The following AFG2A variants were observed in gnomAD, a reference collection of about 807,000 sequenced individuals.
AFG2A encodes the protein AAA ATPase AFG2A.
the AFG2A span, among the ~76,000 whole-genome samples, chr4:123,265,170 G>A: frequency 2.0e-5 from 3 of 152,006 alleles, no homozygotes; most frequent in African/African-American, 7.2e-5. Context: ...AGAGTTGAAG[G>A]CCTAGTGATT....
chr4:123,313,054 C>G, the AFG2A span, among the ~76,000 whole-genome samples: 1 of 152,244 alleles, frequency 6.6e-6, no homozygotes, highest in South Asian at 2.1e-4. Flanking sequence ...TTTCATCCCA[C>G]AAGCTCTTTT....
At chr4:122,950,612 T>A in the AFG2A span, among the ~76,000 whole-genome samples, 1 of 152,240 alleles carries the variant, frequency 6.6e-6, no homozygotes, top group Non-Finnish European at 1.5e-5. Context: ...AGTGGTGGGA[T>A]TACAGGCGTG....
chr4:123,070,342 G>A, the AFG2A span, among the ~76,000 whole-genome samples: 1 of 152,000 alleles, frequency 6.6e-6, no homozygotes. Flanking sequence ...TACTGTGCTA[G>A]ATCCTTTATA....
At chr4:123,310,479 G>A in the AFG2A span, among the ~76,000 whole-genome samples, 4 of 151,966 alleles carry the variant, frequency 2.6e-5, no homozygotes, top group Non-Finnish European at 5.9e-5. Flanking sequence ...TCTCAGTTCT[G>A]TTCTTCACAC....
chr4:123,011,521 C>T, the AFG2A span, among the ~76,000 whole-genome samples: 2 of 152,134 alleles, frequency 1.3e-5, no homozygotes, highest in Admixed American at 6.5e-5. Context: ...GAGGGACCGA[C>T]GTGTTAAAGA....
the AFG2A span, among the ~76,000 whole-genome samples, chr4:123,152,165 G>GA: frequency 6.6e-6 from 1 of 152,100 alleles, no homozygotes; most frequent in Non-Finnish European, 1.5e-5. Context: ...AACATTAGGA[G>GA]AAATACCTCA....
chr4:123,252,301 T>C, the AFG2A span, among the ~76,000 whole-genome samples: 1 of 152,132 alleles, frequency 6.6e-6, no homozygotes, highest in Non-Finnish European at 1.5e-5. Context: ...TGTTTGGAAC[T>C]CTAAGTATGA....
chr4:123,298,887 T>G, the AFG2A span, among the ~76,000 whole-genome samples: 1 of 152,228 alleles, frequency 6.6e-6, no homozygotes, highest in East Asian at 1.9e-4. Context: ...AGCAAGATGT[T>G]TTAAAATATT....
the AFG2A span, among the ~76,000 whole-genome samples, chr4:123,240,278 A>G: frequency 6.6e-6 from 1 of 152,232 alleles, no homozygotes; most frequent in Admixed American, 6.5e-5. Flanking sequence ...CACCAAGCAG[A>G]CTTAATAGAT....
At chr4:122,954,372 A>ATTGTGGTATTGTGGTGTAG in the AFG2A span, among the ~76,000 whole-genome samples, 2 of 152,168 alleles carry the variant, frequency 1.3e-5, no homozygotes, top group Non-Finnish European at 2.9e-5. Context: ...GCATTGTGGT[A>ATTGTGGTATTGTGGTGTAG]TGCTACCATC....
the AFG2A span, among the ~76,000 whole-genome samples, chr4:123,085,637 AT>A: frequency 0.91 from 137,956 of 151,900 alleles, 62,867 homozygotes; most frequent in East Asian, 0.98. Context: ...GTTAGGTCTT[AT>A]TTTTTTTATT....
chr4:123,102,594 A>G, the AFG2A span, among the ~76,000 whole-genome samples: 1 of 152,042 alleles, frequency 6.6e-6, no homozygotes, highest in Non-Finnish European at 1.5e-5. Context: ...AATCACTTAT[A>G]AATTTGAAAA....
At chr4:122,971,477 A>T in the AFG2A span, among the ~76,000 whole-genome samples, 1 of 152,208 alleles carries the variant, frequency 6.6e-6, no homozygotes, top group Admixed American at 6.5e-5. Context: ...TCTATCAATT[A>T]TGTTATAGTT....
chr4:123,119,400 G>A, the AFG2A span, among the ~76,000 whole-genome samples: 7 of 152,094 alleles, frequency 4.6e-5, no homozygotes, highest in Non-Finnish European at 8.8e-5. Flanking sequence ...AGGAGGGTGC[G>A]CATAGCAGAG....
At chr4:123,227,808 G>C in the AFG2A span, among the ~76,000 whole-genome samples, 1 of 152,072 alleles carries the variant, frequency 6.6e-6, no homozygotes, top group Non-Finnish European at 1.5e-5. Flanking sequence ...GTTGACAGTG[G>C]GGTGTTAAAG....
At chr4:123,112,541 A>G in the AFG2A span, among the ~76,000 whole-genome samples, 15,950 of 152,182 alleles carry the variant, frequency 0.1, 939 homozygotes, top group Middle Eastern at 0.2. Flanking sequence ...TTAAAACTTA[A>G]CTGCTTCCTT....
the AFG2A span, among the ~76,000 whole-genome samples, chr4:123,036,230 G>C: frequency 6.6e-6 from 1 of 152,168 alleles, no homozygotes; most frequent in Non-Finnish European, 1.5e-5. Flanking sequence ...CTAACATGAA[G>C]AAACAGTTAA....
the AFG2A span, among the ~76,000 whole-genome samples, chr4:123,276,673 G>C: frequency 3.9e-5 from 6 of 152,098 alleles, no homozygotes; most frequent in African/African-American, 1.4e-4. Flanking sequence ...ATGTAACGAA[G>C]GGGTCTAGTT....
the AFG2A span, among the ~76,000 whole-genome samples, chr4:123,009,499 T>G: frequency 6.6e-6 from 1 of 152,226 alleles, no homozygotes; most frequent in African/African-American, 2.4e-5. Flanking sequence ...CCTCTCTAGT[T>G]TACTAACTCC....
Sources: allele counts gnomAD v4.1 joint callset (sites outside exome capture counted in the v4.1 genomes callset), GRCh38; gene constraint gnomAD v4.1.1; transcripts MANE v1.5; gene names NCBI Gene and HGNC (gene_info 2026-07-23, HGNC 2026-07-21).